CFHR5: variants seen among roughly 807,000 people sequenced by gnomAD.
CFHR5 encodes complement factor H related 5.
A neutral mutation model predicts 62.9 loss-of-function variants in CFHR5; 73 were observed. The ratio of observed to expected loss-of-function variants is 1.16; its 90% CI spans 0.96 to 1.41. CFHR5 has a LOEUF of 1.41. Among genes scored for constraint, CFHR5 ranks in the 40% most tolerant of loss-of-function variants. The probability of loss-of-function intolerance (pLI) is 0.00; values close to 1 mark genes in which losing one functional copy is unlikely to be tolerated. For missense variants in CFHR5, 779 were observed against 679.9 expected, an observed-to-expected ratio of 1.15 and a Z score of -1.62; for synonymous variants, 249 against 227.2, an observed-to-expected ratio of 1.10 and a Z score of -0.86.
chr1:197,006,501 C>T (rs1453725112), intron 9 of CFHR5, among the ~76,000 whole-genome samples: 1 of 151,920 alleles, frequency 6.6e-6, no homozygotes, highest in East Asian at 1.9e-4. Flanking sequence ...CACCTGAGGT[C>T]GGGAGTTCGA....
Position 197,008,667 on chromosome 1 carries a change from A to G in CFHR5, c.1694A>G (p.Tyr565Cys). 2 of 1,612,796 alleles carry G rather than the reference A, an allele frequency of 1.2e-6. No individual in the cohort carries two copies. The highest frequency in any genetic ancestry group is 1.7e-4 in the Middle Eastern group (1 of 6,058). Reference sequence around the variant, plus strand: ...ATCTGTCAGGAAGGGAAATTTGAATATCCTATATGTGAATGAAGCAAGCAT... The same window carrying G: ...ATCTGTCAGGAAGGGAAATTTGAATGTCCTATATGTGAATGAAGCAAGCAT... ...RAICQEGKFEYPICE is the reference protein window; with the variant it reads ...RAICQEGKFECPICE Residue 565 changes from tyrosine (Y) to cysteine (C), a missense_variant, in exon 10 of 10, where the codon TAT becomes TGT. By Grantham distance (194) the Tyr-to-Cys change is radical. Transcript: ENST00000256785.
At chr1:196,983,110 G>C in intron 2 of CFHR5, 31 bp downstream of exon 2, 4 of 1,611,542 alleles carry the variant, frequency 2.5e-6, no homozygotes, top group Non-Finnish European at 3.4e-6. Flanking sequence ...TTAAATGGAT[G>C]TCATTCAGTG....
Position 197,008,796 on chromosome 1 carries a change from TCA to T in CFHR5, c.*114_*115del. ...TTTATTCTTTCAGGTGTTGTTTAAC[TCA>T]GTTTTATTTAGAACTCTGGATTTTT... On this transcript the variant is annotated 3_prime_UTR_variant, in exon 10 of 10. Coordinates refer to ENST00000256785, the MANE Select transcript of CFHR5 (RefSeq NM_030787.4). 1 of 894,612 alleles carries T rather than the reference TCA, an allele frequency of 1.1e-6. No individual in the cohort carries two copies. The allele number at this position is 894,612 out of a possible 1,614,324, so 55.4% of individuals were successfully genotyped here. A position where few individuals can be genotyped will look rare whatever the true frequency, so the allele number is the denominator to read the frequency against.
chr1:196,983,401 T>G (rs1214843238), intron 2 of CFHR5, among the ~76,000 whole-genome samples: 2 of 152,234 alleles, frequency 1.3e-5, no homozygotes, highest in Admixed American at 6.5e-5. Flanking sequence ...TCCTTTAAAA[T>G]AAGTCATTTT....
chr1:196,996,497 G>A (rs545684277), intron 6 of CFHR5, among the ~76,000 whole-genome samples: 1 of 152,252 alleles, frequency 6.6e-6, no homozygotes, highest in South Asian at 2.1e-4. Flanking sequence ...CTATATGCAA[G>A]AATGTGATTT....
chr1:196,995,962 A>G (rs1270866756), intron 5 of CFHR5, 60 bp from the exon 6 acceptor site: 3 of 1,592,178 alleles, frequency 1.9e-6, no homozygotes, highest in African/African-American at 1.3e-5. Context: ...ATATAAATAC[A>G]CATGTAAACA....
At chr1:196,984,656 A>T (rs1431753200) in intron 3 of CFHR5, among the ~76,000 whole-genome samples, 1 of 152,222 alleles carries the variant, frequency 6.6e-6, no homozygotes, top group African/African-American at 2.4e-5. Context: ...GGCACCTCAC[A>T]GTCCTGTGTG....
At chr1:196,994,957 A>T (rs1653950237) in intron 4 of CFHR5, among the ~76,000 whole-genome samples, 1 of 152,122 alleles carries the variant, frequency 6.6e-6, no homozygotes, top group African/African-American at 2.4e-5. Context: ...CACAGGAAAG[A>T]TCCGCCCCAT....
At chr1:196,996,360 C>A (rs1354199373) in intron 6 of CFHR5, among the ~76,000 whole-genome samples, 159 bp downstream of exon 6, 2 of 152,100 alleles carry the variant, frequency 1.3e-5, no homozygotes, top group African/African-American at 2.4e-5. Flanking sequence ...TTACATTAAA[C>A]TTTACCATAT....
chr1:196,982,773 C>T lies in CFHR5; in HGVS notation c.59-112C>T, dbSNP rs1571511908. 2.0e-5 allele frequency: 18 copies of T among 912,896 alleles called. No homozygotes were observed. In the East Asian group the frequency reaches 4.3e-4, roughly 22 times the overall value. 56.5% of individuals were successfully genotyped at this position (912,896 alleles called of 1,614,324 possible). A position where few individuals can be genotyped will look rare whatever the true frequency, so the allele number is the denominator to read the frequency against. On this transcript the variant is annotated intron_variant, in intron 1 of 9. Transcript: ENST00000256785. Reference sequence around the variant, plus strand: ...CACTGGAAAGCATTTAAGCTAAAGGCATTTAAGCTGAATGAAAAACAAAAC... The same window carrying T: ...CACTGGAAAGCATTTAAGCTAAAGGTATTTAAGCTGAATGAAAAACAAAAC...
rs1390510456 is a variant in CFHR5 at position 196,998,252 on chromosome 1, C to G, written c.1095C>G (p.Tyr365Ter). 5 of 1,611,100 alleles carry G rather than the reference C, an allele frequency of 3.1e-6. No individual in the cohort carries two copies. The highest frequency in any genetic ancestry group is 4.2e-6 in the Non-Finnish European group (5 of 1,178,340). ...IRYRCSDIFR[Y>*]RHSVCINGKW... ...ACAGATGTTCAGACATCTTCAGATA[C>G]AGGCACTCAGTCTGTATAAACGGGA... is the stretch of plus-strand genomic sequence containing the variant. The change falls in exon 7 of 10, where the codon TAC (tyrosine) becomes TAG (stop). Residue 365 changes from tyrosine to a stop codon, truncating the protein, a stop_gained. Transcript: ENST00000256785. LOFTEE classifies it high-confidence loss of function.
chr1:196,998,075 A>G, intron 6 of CFHR5, 53 bp from the exon 7 acceptor site: 1 of 1,093,164 alleles, frequency 9.1e-7, no homozygotes, highest in Non-Finnish European at 1.4e-6. Flanking sequence ...TTAATATTGC[A>G]GATATTTTAT....
chr1:197,006,354 T>C (rs1243373564), intron 9 of CFHR5, among the ~76,000 whole-genome samples: 1 of 152,100 alleles, frequency 6.6e-6, no homozygotes, highest in Non-Finnish European at 1.5e-5. Flanking sequence ...GATCTAACTA[T>C]GAAATGTAAA....
chr1:196,984,044 A>G lies in CFHR5; in HGVS notation c.337A>G (p.Ile113Val). Reference protein sequence around the residue: ...IHLEGDTVQIICNTGYSLQNN... With the variant: ...IHLEGDTVQIVCNTGYSLQNN... ...TCTGGAAGGTGATACTGTACAAATT[A>G]TTTGCAACACAGGATACAGCCTTCA... The change falls in exon 3 of 10, where the codon ATT becomes GTT. Residue 113 changes from isoleucine to valine, a missense_variant. Transcript: ENST00000256785. 6.2e-7 allele frequency: 1 copy of G among 1,613,458 alleles called. No homozygotes were observed. Among genetic ancestry groups the G allele is most frequent in the Non-Finnish European group, 8.5e-7 (1 of 1,179,540 alleles).
In CFHR5 at chr1:197,008,911, A is replaced by T; in HGVS notation, c.*228A>T. 1 of 474,100 alleles carries T rather than the reference A, an allele frequency of 2.1e-6. No individual in the cohort carries two copies. Among genetic ancestry groups the T allele is most frequent in the African/African-American group, 1.9e-5 (1 of 51,396 alleles). The allele number at this position is 474,100 out of a possible 1,614,324, so 29.4% of individuals were successfully genotyped here. ...CCATATTACATTGTTATAACAGAGT[A>T]TCACAGACTGGATAACTTCTAACCA... On this transcript the variant is annotated 3_prime_UTR_variant, in exon 10 of 10. Transcript: ENST00000256785.
In CFHR5 at chr1:197,008,473, A is replaced by G; in HGVS notation, c.1514-14A>G. Reference sequence around the variant, plus strand: ...TATTATTTATTTATTTTATTTTACCATTTCTTCTTTCAGATCCATGTGTGG... The same window carrying G: ...TATTATTTATTTATTTTATTTTACCGTTTCTTCTTTCAGATCCATGTGTGG... On this transcript the variant is annotated splice_polypyrimidine_tract_variant and intron_variant, in intron 9 of 9. Transcript: ENST00000256785. The G allele has an allele frequency of 2.7e-6, 4 of 1,486,152 alleles. 1 individual carries two copies. Among genetic ancestry groups the G allele is most frequent in the Non-Finnish European group, 3.7e-6 (4 of 1,088,290 alleles). 92.1% of individuals were successfully genotyped at this position (1,486,152 alleles called of 1,614,324 possible).
chr1:196,978,733 G>C (rs537307932), intron 1 of CFHR5, among the ~76,000 whole-genome samples: 1 of 152,102 alleles, frequency 6.6e-6, no homozygotes, highest in Non-Finnish European at 1.5e-5. Flanking sequence ...GATTGCATGA[G>C]TGTATTTGAT....
chr1:197,004,529 T>C (rs1654234096), intron 8 of CFHR5, 132 bp from the exon 9 acceptor site: 11 of 751,646 alleles, frequency 1.5e-5, no homozygotes, highest in Admixed American at 4.3e-5. Context: ...AATCAGACTT[T>C]ATGACAGAAA....
In CFHR5 at chr1:196,977,586, A is replaced by G; in HGVS notation, c.-79A>G. 8.9e-7 allele frequency: 1 copy of G among 1,118,728 alleles called. No homozygotes were observed. The highest frequency in any genetic ancestry group is 1.4e-6 in the Non-Finnish European group (1 of 728,574). 69.3% of individuals were successfully genotyped at this position (1,118,728 alleles called of 1,614,324 possible). ...ATTGAAATTCAAAGTCATGCTTGTA[A>G]CTGTTAATGAAAGCAGATTTAAAGC... On this transcript the variant is annotated 5_prime_UTR_variant, in exon 1 of 10. Transcript: ENST00000256785.
Sources: allele counts gnomAD v4.1 joint callset (sites outside exome capture counted in the v4.1 genomes callset), GRCh38; gene constraint gnomAD v4.1.1; transcripts MANE v1.5; gene names NCBI Gene and HGNC (gene_info 2026-07-23, HGNC 2026-07-21).